Variants in TXN observed in about 807,000 individuals in gnomAD.
TXN encodes ADF.
A neutral mutation model predicts 16.5 loss-of-function variants in TXN; 10 were observed. The ratio of observed to expected loss-of-function variants is 0.61; its 90% confidence interval spans 0.37 to 1.03. TXN has a LOEUF of 1.03. TXN is among the 50% of genes least tolerant of loss of function. The pLI is 0.01. For synonymous variants in TXN, 35 were observed against 39.4 expected, an observed-to-expected ratio of 0.89 and a Z score of 0.42; for missense variants, 71 against 122.5, an observed-to-expected ratio of 0.58 and a Z score of 1.98.
chr9:110,248,349 AT>A (rs960765730), intron 3 of TXN, among the ~76,000 whole-genome samples: 4 of 152,162 alleles, frequency 2.6e-5, no homozygotes, highest in African/African-American at 9.7e-5. Flanking sequence ...AAGGCATACC[AT>A]TTTTTAATCT....
Position 110,251,342 on chromosome 9 carries a change from A to G in TXN, c.129+16T>C, listed in dbSNP as rs1334691503. The G allele has an allele frequency of 1.9e-6, 3 of 1,570,474 alleles. No homozygotes were observed. Among genetic ancestry groups the G allele is most frequent in the African/African-American group, 2.7e-5 (2 of 73,990 alleles). On this transcript the variant is annotated intron_variant, in intron 2 of 4. Coordinates refer to ENST00000374517, the MANE Select transcript of TXN (RefSeq NM_003329.4). ...AACACAAATCTCTTACAAAGCAGAC[A>G]TTGTTTAATACTCACATGAAAGAAA... is the stretch of plus-strand genomic sequence containing the variant.
intron 1 of TXN, among the ~76,000 whole-genome samples, chr9:110,252,322 ACT>A (rs1167145356): frequency 6.6e-6 from 1 of 151,996 alleles, no homozygotes; most frequent in Admixed American, 6.5e-5. Context: ...AGTCAAGGAA[ACT>A]CACCTTTCCC....
intron 1 of TXN, among the ~76,000 whole-genome samples, chr9:110,251,916 C>T (rs954154231): frequency 2.0e-5 from 3 of 152,084 alleles, no homozygotes; most frequent in Admixed American, 6.5e-5. Flanking sequence ...GCAATTGAAA[C>T]ATCACAAGTT....
At chr9:110,247,579 G>GC (rs1478712133) in intron 3 of TXN, among the ~76,000 whole-genome samples, 1 of 152,168 alleles carries the variant, frequency 6.6e-6, no homozygotes, top group African/African-American at 2.4e-5. Flanking sequence ...AATCTGCGCT[G>GC]CAATTACATA....
chr9:110,252,394 A>T (rs1202166642), intron 1 of TXN, among the ~76,000 whole-genome samples: 1 of 152,162 alleles, frequency 6.6e-6, no homozygotes, highest in African/African-American at 2.4e-5. Context: ...CAGAGCTGAG[A>T]TCACACGTTT....
In TXN at chr9:110,251,440, T is replaced by C. The variant is rs1837735251; in HGVS notation, c.47A>G (p.Asp16Gly). Residue 16 changes from aspartate to glycine, a missense_variant, in exon 2 of 5, where the codon GAC becomes GGC. Asp to Gly is a moderately conservative substitution (Grantham distance 94). Coordinates refer to ENST00000374517, the MANE Select transcript of TXN (RefSeq NM_003329.4). ...ESKTAFQEAL[D>G]AAGDKLVVVD... ...TACTACAAGTTTATCACCTGCAGCG[T>C]CCAAGGCTTCCTGAAAAGCAGTCTA... The C allele has an allele frequency of 6.2e-7, 1 of 1,611,654 alleles. No homozygotes were observed. Among genetic ancestry groups the C allele is most frequent in the South Asian group, 1.1e-5 (1 of 90,962 alleles).
At chr9:110,251,668 A>T (rs1451722615) in intron 1 of TXN, among the ~76,000 whole-genome samples, 1 of 148,246 alleles carries the variant, frequency 6.7e-6, no homozygotes, top group Non-Finnish European at 1.5e-5. Flanking sequence ...CATTGTTGGT[A>T]GTGTTACTTG....
intron 2 of TXN, 25 bp from the exon 3 acceptor site, chr9:110,250,904 CAA>C: frequency 6.3e-7 from 1 of 1,582,926 alleles, no homozygotes; most frequent in Non-Finnish European, 8.6e-7. Context: ...ATGAAAAATC[CAA>C]AAAGATTTAG....
chr9:110,244,632 A>G lies in TXN; in HGVS notation c.255+146T>C, dbSNP rs142456108. ...GCTGTCACATTATGTACTTAAGCCA[A>G]TGAATTTTGGCATATTTAAAAATTC... On this transcript the variant is annotated intron_variant, in intron 4 of 4. Coordinates refer to ENST00000374517, the MANE Select transcript of TXN (RefSeq NM_003329.4). The G allele has an allele frequency of 3.2e-4, 212 of 654,600 alleles. 1 individual carries two copies. The highest frequency in any genetic ancestry group is 3.2e-3 in the African/African-American group (176 of 55,806). 40.5% of individuals were successfully genotyped at this position (654,600 alleles called of 1,614,324 possible).
chr9:110,245,639 TATATATATATATA>T lies in TXN; in HGVS notation c.190-809_190-797del, dbSNP rs1385650741. On this transcript the variant is annotated intron_variant, in intron 3 of 4. Transcript: ENST00000374517. ...CACACTATATATATATATATATATA[TATATATATATATA>T]TATTTTTTTTTTTTTTTTTTTATAG... Among the ~76,000 whole-genome samples, 13 of 30,638 alleles carry T rather than the reference TATATATATATATA, an allele frequency of 4.2e-4. 1 individual carries two copies. In the South Asian group the frequency reaches 0.012, roughly 29 times the overall value. The allele number at this position is 30,638 out of a possible 152,430, so 20.1% of individuals were successfully genotyped here.
chr9:110,244,923 A>C (rs1837627501), intron 3 of TXN, 80 bp from the exon 4 acceptor site: 1 of 1,197,358 alleles, frequency 8.4e-7, no homozygotes, highest in Non-Finnish European at 1.2e-6. Context: ...ATCCAAAACC[A>C]GAAACTTTTC....
intron 3 of TXN, among the ~76,000 whole-genome samples, chr9:110,248,100 G>A (rs1837681082): frequency 6.6e-6 from 1 of 152,006 alleles, no homozygotes; most frequent in African/African-American, 2.4e-5. Flanking sequence ...ATGCATTCGT[G>A]TTTTAAGCTA....
At chr9:110,251,307 C>T (rs1302232676) in intron 2 of TXN, 51 bp downstream of exon 2, 4 of 1,370,818 alleles carry the variant, frequency 2.9e-6, no homozygotes, top group South Asian at 1.2e-5. Context: ...CTGTGACCAC[C>T]AACTCAAAAA....
intron 1 of TXN, among the ~76,000 whole-genome samples, chr9:110,254,399 G>A (rs893999005): frequency 1.3e-5 from 2 of 152,198 alleles, no homozygotes; most frequent in East Asian, 3.8e-4. Flanking sequence ...GCGCATGCCT[G>A]TAATCCCAGC....
At chr9:110,249,759 C>T (rs1456179169) in intron 3 of TXN, among the ~76,000 whole-genome samples, 1 of 152,194 alleles carries the variant, frequency 6.6e-6, no homozygotes, top group Non-Finnish European at 1.5e-5. Context: ...AGTGACCCTT[C>T]ACCCTTTATT....
chr9:110,244,334 TATGTATAA>T (rs1054615825), intron 4 of TXN, 115 bp from the exon 5 acceptor site: 6 of 277,384 alleles, frequency 2.2e-5, no homozygotes, highest in African/African-American at 4.6e-5. Flanking sequence ...TATATATACA[TATGTATAA>T]ATATGTATTC....
At chr9:110,245,654 A>ATATATATATATATTTT (rs1232332404) in intron 3 of TXN, among the ~76,000 whole-genome samples, 1 of 21,772 alleles carries the variant, frequency 4.6e-5, no homozygotes, top group African/African-American at 2.0e-4. Flanking sequence ...ATATATATAT[A>ATATATATATATATTTT]TTTTTTTTTT....
At position 110,256,459 on chromosome 9, in the gene TXN, C is replaced by A; in HGVS notation, c.-24G>T. On this transcript the variant is annotated 5_prime_UTR_variant, in exon 1 of 5. Transcript: ENST00000374517. This position sits in a 1 kb window ranked among gnomAD's most constrained non-coding sequence, Gnocchi z 4.2. ...ATCTTGGCTGCTGGAGTCTGACGAG[C>A]GGCTGTAAGGACCGATGGAAATGGA... 1 of 1,603,400 alleles carries A rather than the reference C, an allele frequency of 6.2e-7. No homozygotes were observed. The highest frequency in any genetic ancestry group is 1.1e-5 in the South Asian group (1 of 89,400).
intron 3 of TXN, among the ~76,000 whole-genome samples, chr9:110,249,806 G>C (rs1389738307): frequency 6.6e-6 from 1 of 152,156 alleles, no homozygotes; most frequent in Non-Finnish European, 1.5e-5. Flanking sequence ...AAGCAACCTT[G>C]GGAGGTTGAT....
Sources: gnomAD v4.1 joint callset for allele counts (sites outside exome capture counted in the v4.1 genomes callset) on GRCh38, gnomAD v4.1.1 for gene constraint, Gnocchi (gnomAD v3.1) non-coding constraint, MANE v1.5 for transcripts, NCBI Gene and HGNC (gene_info 2026-07-23, HGNC 2026-07-21) for gene names.